Variants in SERPINB2 observed in about 807,000 individuals in gnomAD.
The protein encoded by SERPINB2 is plasminogen activator inhibitor 2.
SERPINB2 carries 28 observed loss-of-function variants against 39.4 expected under a neutral mutation model. The ratio of observed to expected loss-of-function variants is 0.71; its 90% CI spans 0.53 to 0.97. The LOEUF is 0.97. SERPINB2 is among the 50% of genes least tolerant of loss of function. The probability of loss-of-function intolerance (pLI) is 0.00; values close to 1 mark genes in which losing one functional copy is unlikely to be tolerated. For synonymous variants in SERPINB2, 209 were observed against 175.1 expected (o/e 1.19, Z -1.53); for missense variants, 557 against 505.3 (o/e 1.10, Z -0.98).
At chr18:63,893,414 A>G (rs1273893053) in intron 2 of SERPINB2, among the ~76,000 whole-genome samples, 1 of 151,154 alleles carries the variant, frequency 6.6e-6, no homozygotes, top group African/African-American at 2.4e-5. Flanking sequence ...CTTTGGGACT[A>G]TGCGAGGATT....
At chr18:63,895,130 T>C in intron 2 of SERPINB2, 134 bp from the exon 3 acceptor site, 1 of 983,536 alleles carries the variant, frequency 1.0e-6, no homozygotes, top group African/African-American at 1.6e-5. Flanking sequence ...GTATTGAGTA[T>C]CTATGGTTGT....
rs182045476 is a variant in SERPINB2 at position 63,894,794 on chromosome 18, G to T, written c.169-470G>T. 6.3e-4 allele frequency among the ~76,000 whole-genome samples: 96 copies of T among 152,312 alleles called. 2 individuals are homozygous for T. The East Asian group carries it at 0.014, about 22-fold the overall frequency. On this transcript the variant is annotated intron_variant, in intron 2 of 7. Coordinates refer to ENST00000299502, the MANE Select transcript of SERPINB2 (RefSeq NM_002575.3). ...ATTTTAGGTGAACCCTGTTAATATT[G>T]CATGACCTGTTTTATGCCTTAGCTG...
chr18:63,903,247 T>C lies in SERPINB2; in HGVS notation c.1190T>C (p.Leu397Pro). Residue 397 changes from leucine to proline, a missense_variant, in exon 8 of 8, where the codon CTT (leucine) becomes CCT (proline). Physicochemically the swap from Leu to Pro is moderately conservative, Grantham distance 98. Transcript: ENST00000299502. ...GTGGCAGATCATCCTTTTCTTTTTC[T>C]TATTATGCATAAGATAACCAACTGC... is the stretch of plus-strand genomic sequence containing the variant. Reference protein sequence around the residue: ...QFVADHPFLFLIMHKITNCIL... With the variant: ...QFVADHPFLFPIMHKITNCIL... 1 of 1,592,246 alleles carries C rather than the reference T, an allele frequency of 6.3e-7. No individual in the cohort carries two copies. Among genetic ancestry groups the C allele is most frequent in the Non-Finnish European group, 8.5e-7 (1 of 1,170,954 alleles).
intron 3 of SERPINB2, among the ~76,000 whole-genome samples, chr18:63,896,361 T>A (rs2049959342): frequency 6.6e-6 from 1 of 152,202 alleles, no homozygotes; most frequent in Admixed American, 6.5e-5. Context: ...TTCACTTTTG[T>A]GGTTTTCTAA....
chr18:63,887,894 TAA>T (rs1443983154), intron 1 of SERPINB2, 124 bp downstream of exon 1: 1 of 152,196 alleles, frequency 6.6e-6, no homozygotes, highest in Non-Finnish European at 1.5e-5. Context: ...GAGTAAAATT[TAA>T]GTGGTGTTTT....
intron 6 of SERPINB2, 67 bp from the exon 7 acceptor site, chr18:63,902,337 A>C: frequency 7.3e-7 from 1 of 1,374,004 alleles, no homozygotes; most frequent in Non-Finnish European, 9.8e-7. Context: ...ATCCTCCTTT[A>C]TGTCTAATTG....
At position 63,891,750 on chromosome 18, in the gene SERPINB2, A is replaced by G. The variant is rs2049928056; in HGVS notation, c.168+138A>G. ...CAGGTAATGAAGCACTGATCCTTAC[A>G]ACACAAATTCCTTAGATTCAAATCT... is the stretch of plus-strand genomic sequence containing the variant. On this transcript the variant is annotated intron_variant, in intron 2 of 7. Coordinates refer to ENST00000299502, the MANE Select transcript of SERPINB2 (RefSeq NM_002575.3). 3 of 851,376 alleles carry G rather than the reference A, an allele frequency of 3.5e-6. No homozygotes were observed. In the Admixed American group the frequency reaches 8.8e-5, roughly 25 times the overall value. The allele number at this position is 851,376 out of a possible 1,614,324, so 52.7% of individuals were successfully genotyped here.
chr18:63,902,626 T>G (rs951821639), intron 7 of SERPINB2, 58 bp downstream of exon 7: 15 of 1,287,736 alleles, frequency 1.2e-5, no homozygotes, highest in Non-Finnish European at 3.2e-6. Flanking sequence ...TGAGATGAGA[T>G]GAATATATAC....
chr18:63,893,454 A>C (rs990143028), intron 2 of SERPINB2, among the ~76,000 whole-genome samples: 4 of 151,040 alleles, frequency 2.6e-5, no homozygotes, highest in East Asian at 3.9e-4. Flanking sequence ...TTGAGACTCT[A>C]TATATATCGT....
chr18:63,891,326 C>A (rs1263480492), intron 1 of SERPINB2, 110 bp from the exon 2 acceptor site: 7 of 1,090,740 alleles, frequency 6.4e-6, no homozygotes, highest in African/African-American at 4.7e-5. Flanking sequence ...GAAGAACAGA[C>A]AGGGAATCTG....
At chr18:63,888,150 A>G (rs149040436) in intron 1 of SERPINB2, among the ~76,000 whole-genome samples, 3 of 152,378 alleles carry the variant, frequency 2.0e-5, no homozygotes, top group East Asian at 3.9e-4. Context: ...CATTTAAGCA[A>G]TTGAATGTAA....
At chr18:63,900,427 C>G (rs2049984431) in intron 5 of SERPINB2, among the ~76,000 whole-genome samples, 1 of 152,090 alleles carries the variant, frequency 6.6e-6, no homozygotes, top group African/African-American at 2.4e-5. Flanking sequence ...CAAGGGTGAG[C>G]TGGAGGTAGG....
At chr18:63,888,653 C>T (rs1236227243) in intron 1 of SERPINB2, among the ~76,000 whole-genome samples, 1 of 152,176 alleles carries the variant, frequency 6.6e-6, no homozygotes, top group Non-Finnish European at 1.5e-5. Context: ...TGACTCCTCC[C>T]AAATTCTTCC....
At chr18:63,897,345 C>T (rs1382833050) in intron 4 of SERPINB2, 126 bp downstream of exon 4, 11 of 1,174,034 alleles carry the variant, frequency 9.4e-6, no homozygotes, top group Non-Finnish European at 1.2e-5. Context: ...CTCCCTAGGG[C>T]TGGCCTTGCG....
chr18:63,902,429 T>A lies in SERPINB2; in HGVS notation c.704T>A (p.Met235Lys), dbSNP rs149423477. Residue 235 changes from methionine (M) to lysine (K), a missense_variant, in exon 7 of 8, where the codon ATG (methionine) becomes AAG (lysine). Physicochemically the swap from Met to Lys is moderately conservative, Grantham distance 95. Coordinates refer to ENST00000299502, the MANE Select transcript of SERPINB2 (RefSeq NM_002575.3). Reference sequence around the variant, plus strand: ...GCTCAGCGCACACCTGTACAGATGATGTACTTGCGTGAAAAGCTAAACATT... The same window carrying A: ...GCTCAGCGCACACCTGTACAGATGAAGTACTTGCGTGAAAAGCTAAACATT... ...NSAQRTPVQMMYLREKLNIGY... is the reference protein window; with the variant it reads ...NSAQRTPVQMKYLREKLNIGY... 103 of 1,613,028 alleles carry A rather than the reference T, an allele frequency of 6.4e-5. No individual in the cohort carries two copies. Among genetic ancestry groups the A allele is most frequent in the Non-Finnish European group, 7.2e-5 (85 of 1,179,472 alleles).
At chr18:63,894,130 A>G (rs1439344580) in intron 2 of SERPINB2, among the ~76,000 whole-genome samples, 1 of 152,120 alleles carries the variant, frequency 6.6e-6, no homozygotes, top group Non-Finnish European at 1.5e-5. Context: ...TTTTGCAGGG[A>G]CATCTCCCTG....
In SERPINB2 at chr18:63,891,538, C is replaced by A; in HGVS notation, c.94C>A (p.Pro32Thr). The change falls in exon 2 of 8, where the codon CCA (proline) becomes ACA (threonine). Residue 32 changes from proline (P) to threonine (T), a missense_variant. Transcript: ENST00000299502. ...CCCCACCCAGAACCTCTTCCTCTCC[C>A]CATGGAGCATCTCGTCCACCATGGC... ...ASPTQNLFLS[P>T]WSISSTMAMV... The A allele has an allele frequency of 6.2e-7, 1 of 1,614,216 alleles. No individual in the cohort carries two copies. Among genetic ancestry groups the A allele is most frequent in the South Asian group, 1.1e-5 (1 of 91,082 alleles).
chr18:63,902,530 C>T lies in SERPINB2; in HGVS notation c.805C>T (p.Pro269Ser), dbSNP rs1411162604. ...AGDVSMFLLL[P>S]DEIADVSTGL... Reference sequence around the variant, plus strand: ...AGATGTTAGCATGTTCTTGTTGCTTCCAGATGAAATTGCCGATGTGTCCAC... The same window carrying T: ...AGATGTTAGCATGTTCTTGTTGCTTTCAGATGAAATTGCCGATGTGTCCAC... The change falls in exon 7 of 8, where the codon CCA (proline) becomes TCA (serine). Residue 269 changes from proline to serine, a missense_variant. Coordinates refer to ENST00000299502, the MANE Select transcript of SERPINB2 (RefSeq NM_002575.3). 1.2e-6 allele frequency: 2 copies of T among 1,613,458 alleles called. No homozygotes were observed. Among genetic ancestry groups the T allele is most frequent in the East Asian group, 2.2e-5 (1 of 44,854 alleles).
At chr18:63,896,606 C>T (rs1532889) in intron 3 of SERPINB2, among the ~76,000 whole-genome samples, 43,537 of 152,020 alleles carry the variant, frequency 0.29, 6,836 homozygotes, top group East Asian at 0.48. Flanking sequence ...TACAATTACC[C>T]ACCATTTGTA....
Sources: allele counts gnomAD v4.1 joint callset (sites outside exome capture counted in the v4.1 genomes callset), GRCh38; gene constraint gnomAD v4.1.1; transcripts MANE v1.5; gene names NCBI Gene and HGNC (gene_info 2026-07-23, HGNC 2026-07-21).